Variants in PHF24 observed in about 807,000 individuals in gnomAD.
PHF24 encodes the protein Galpha inhibitory interacting protein.
Under a neutral mutation model 42.6 loss-of-function variants are expected in PHF24, and 25 were observed. That is an observed-to-expected ratio of 0.59 (90% confidence interval 0.43 to 0.82). PHF24 has a LOEUF of 0.82. Ranked by LOEUF, PHF24 falls within the 40% of genes least tolerant of loss-of-function variation. The pLI is 0.00. For missense variants in PHF24, 470 were observed against 538.1 expected (o/e 0.87, Z 1.25); for synonymous variants, 185 against 204.8 (o/e 0.90, Z 0.83).
At chr9:34,741,576 G>A in the PHF24 span, among the ~76,000 whole-genome samples, 2 of 151,912 alleles carry the variant, frequency 1.3e-5, no homozygotes, top group Admixed American at 6.6e-5. Context: ...TGGTCAGGCT[G>A]GCCTCGAACT....
the PHF24 span, among the ~76,000 whole-genome samples, chr9:34,716,153 G>A: frequency 2.6e-5 from 4 of 152,298 alleles, no homozygotes; most frequent in South Asian, 6.2e-4. Flanking sequence ...CTGTGCAGCC[G>A]TTACTGAAGG....
At chr9:34,965,411 G>A (rs1826732952) in intron 1 of PHF24, among the ~76,000 whole-genome samples, 2 of 152,228 alleles carry the variant, frequency 1.3e-5, no homozygotes, top group Non-Finnish European at 2.9e-5. Context: ...GTTCTACTTT[G>A]CATTTCTGCC....
chr9:34,711,249 CTTTT>C, the PHF24 span, among the ~76,000 whole-genome samples: 2 of 141,964 alleles, frequency 1.4e-5, no homozygotes, highest in Non-Finnish European at 3.1e-5. Context: ...TAGCTTTTAT[CTTTT>C]TTTTTTTTTT....
At chr9:34,828,024 A>G in the PHF24 span, among the ~76,000 whole-genome samples, 1 of 151,666 alleles carries the variant, frequency 6.6e-6, no homozygotes, top group Non-Finnish European at 1.5e-5. Context: ...ACACACTCAC[A>G]CTGCCACCAA....
chr9:34,965,696 C>T (rs1215325322), intron 1 of PHF24, among the ~76,000 whole-genome samples: 1 of 152,162 alleles, frequency 6.6e-6, no homozygotes, highest in Non-Finnish European at 1.5e-5. Flanking sequence ...TGTAGCGGAT[C>T]TACAGTGTGT....
chr9:34,837,250 T>C, the PHF24 span: 1 of 390,236 alleles, frequency 2.6e-6, no homozygotes, highest in African/African-American at 2.2e-5. Flanking sequence ...TTATAAATGC[T>C]TTAAGGCCTT....
At chr9:34,814,116 C>G in the PHF24 span, among the ~76,000 whole-genome samples, 1 of 152,142 alleles carries the variant, frequency 6.6e-6, no homozygotes, top group East Asian at 1.9e-4. Context: ...AAACAGGAAA[C>G]CTCAATTCCA....
At chr9:34,739,197 T>A in the PHF24 span, among the ~76,000 whole-genome samples, 10 of 152,194 alleles carry the variant, frequency 6.6e-5, no homozygotes, top group Non-Finnish European at 1.5e-5. Context: ...GTAAGAAAGT[T>A]CAAGTTAAAA....
At chr9:34,920,653 T>G in the PHF24 span, among the ~76,000 whole-genome samples, 1 of 152,222 alleles carries the variant, frequency 6.6e-6, no homozygotes, top group African/African-American at 2.4e-5. Flanking sequence ...TCTTTTTATT[T>G]TTTGTGTCCT....
the PHF24 span, chr9:34,833,206 A>C: frequency 6.5e-7 from 1 of 1,538,432 alleles, no homozygotes; most frequent in Admixed American, 2.0e-5. Flanking sequence ...TGCTCTTGCT[A>C]GGGCTTTGAG....
chr9:34,917,269 G>A, the PHF24 span: 1 of 1,082,068 alleles, frequency 9.2e-7, no homozygotes, highest in East Asian at 2.4e-5. Context: ...ATGTATATCT[G>A]GATCGATGGT....
chr9:34,858,710 C>G, the PHF24 span, among the ~76,000 whole-genome samples: 5 of 152,118 alleles, frequency 3.3e-5, no homozygotes, highest in Non-Finnish European at 5.9e-5. Flanking sequence ...TCTTTTAGTT[C>G]TTTGTATTTC....
At chr9:34,951,794 A>G in the PHF24 span, among the ~76,000 whole-genome samples, 1 of 152,250 alleles carries the variant, frequency 6.6e-6, no homozygotes, top group African/African-American at 2.4e-5. Flanking sequence ...AAGCTCACTC[A>G]GATTGTTGGC....
At chr9:34,768,882 T>C in the PHF24 span, among the ~76,000 whole-genome samples, 1 of 150,374 alleles carries the variant, frequency 6.7e-6, no homozygotes, top group Non-Finnish European at 1.5e-5. Context: ...AATTTACTAC[T>C]ACTAGTAGGT....
the PHF24 span, among the ~76,000 whole-genome samples, chr9:34,693,878 T>A: frequency 6.6e-6 from 1 of 152,182 alleles, no homozygotes; most frequent in Admixed American, 6.5e-5. Flanking sequence ...AGCATTTCTT[T>A]GTTTGTTTTT....
the PHF24 span, among the ~76,000 whole-genome samples, chr9:34,944,697 G>T: frequency 1.3e-5 from 2 of 151,994 alleles, no homozygotes; most frequent in Non-Finnish European, 2.9e-5. Flanking sequence ...TAATAGACCT[G>T]CCTTGCCTGC....
chr9:34,856,466 TTGTTGA>T, the PHF24 span, among the ~76,000 whole-genome samples: 6 of 152,250 alleles, frequency 3.9e-5, no homozygotes, highest in Non-Finnish European at 8.8e-5. Context: ...TGGGGTCTTC[TTGTTGA>T]TGTTATTGTT....
At chr9:34,917,499 C>T in the PHF24 span, 1 of 772,370 alleles carries the variant, frequency 1.3e-6, no homozygotes, top group South Asian at 1.3e-5. Context: ...AATCGAAAGC[C>T]TGCAGAGACC....
chr9:34,825,387 A>G, the PHF24 span, among the ~76,000 whole-genome samples: 2 of 152,158 alleles, frequency 1.3e-5, no homozygotes, highest in Non-Finnish European at 2.9e-5. Flanking sequence ...AGGACAAGCA[A>G]TGGGACAGAA....
Sources: allele counts gnomAD v4.1 joint callset (sites outside exome capture counted in the v4.1 genomes callset), GRCh38; gene constraint gnomAD v4.1.1; transcripts MANE v1.5; gene names NCBI Gene and HGNC (gene_info 2026-07-23, HGNC 2026-07-21).